The following CWC27 variants were observed in gnomAD, a reference collection of about 807,000 sequenced individuals.
CWC27 encodes spliceosome-associated protein CWC27 homolog.
A neutral mutation model predicts 63.6 loss-of-function variants in CWC27; 47 were observed. That is an observed-to-expected ratio of 0.74 (90% CI 0.58 to 0.94). The LOEUF (loss-of-function observed/expected upper bound fraction) is 0.94. CWC27 is among the 40% of genes least tolerant of loss of function. CWC27 has a pLI of 0.00. For missense variants in CWC27, 495 were observed against 554.3 expected, an observed-to-expected ratio of 0.89 and a Z score of 1.07; for synonymous variants, 175 against 179.8, an observed-to-expected ratio of 0.97 and a Z score of 0.22.
chr5:64,834,144 A>G (rs1745597868), intron 10 of CWC27, among the ~76,000 whole-genome samples: 1 of 143,860 alleles, frequency 7.0e-6, no homozygotes, highest in Non-Finnish European at 1.5e-5. Flanking sequence ...AATACATTCT[A>G]AAGAAAGTAA....
Position 64,971,934 on chromosome 5 carries a change from G to C in CWC27, c.1152+122G>C, listed in dbSNP as rs1749133894. 7.7e-6 allele frequency: 4 copies of C among 519,510 alleles called. No individual in the cohort carries two copies. In the South Asian group the frequency reaches 1.5e-4, roughly 20 times the overall value. 32.2% of individuals were successfully genotyped at this position (519,510 alleles called of 1,614,324 possible). A position where few individuals can be genotyped will look rare whatever the true frequency, so the allele number is the denominator to read the frequency against. On this transcript the variant is annotated intron_variant, in intron 12 of 13. Coordinates refer to ENST00000381070, the MANE Select transcript of CWC27 (RefSeq NM_005869.4). ...AGCACTACCTCTTAAAAATAAAAAA[G>C]AATATATTTATATAGGGTGGACATT...
At chr5:64,969,195 TA>T (rs1266500030) in intron 11 of CWC27, among the ~76,000 whole-genome samples, 1 of 152,252 alleles carries the variant, frequency 6.6e-6, no homozygotes, top group African/African-American at 2.4e-5. Flanking sequence ...TTAACTTACC[TA>T]TGACATGAGA....
intron 4 of CWC27, among the ~76,000 whole-genome samples, chr5:64,784,782 C>T (rs1743824443): frequency 6.6e-6 from 1 of 152,178 alleles, no homozygotes; most frequent in African/African-American, 2.4e-5. Flanking sequence ...TTGGTTAATA[C>T]TTATTAATAA....
chr5:64,803,898 A>G (rs1744568169), intron 9 of CWC27, among the ~76,000 whole-genome samples: 1 of 152,020 alleles, frequency 6.6e-6, no homozygotes, highest in South Asian at 2.1e-4. Context: ...CAAAAGCCAC[A>G]TTTCCCACTG....
intron 11 of CWC27, among the ~76,000 whole-genome samples, chr5:64,894,025 G>A (rs1194991743): frequency 6.6e-6 from 1 of 151,178 alleles, no homozygotes; most frequent in African/African-American, 2.4e-5. Context: ...CTCCTCCCAG[G>A]TTCAAACGAT....
intron 10 of CWC27, among the ~76,000 whole-genome samples, chr5:64,874,682 C>T (rs1746755526): frequency 6.6e-6 from 1 of 152,054 alleles, no homozygotes. Context: ...TCAGAGTGTT[C>T]AACTATCAGT....
intron 10 of CWC27, among the ~76,000 whole-genome samples, chr5:64,853,829 T>C (rs901573107): frequency 6.6e-6 from 1 of 152,070 alleles, no homozygotes; most frequent in Non-Finnish European, 1.5e-5. Flanking sequence ...AACATGAGAG[T>C]TGGAGGAGAC....
intron 11 of CWC27, among the ~76,000 whole-genome samples, chr5:64,939,577 G>A (rs958884499): frequency 6.6e-6 from 1 of 152,232 alleles, no homozygotes; most frequent in Admixed American, 6.5e-5. Context: ...GTGCCTTCAA[G>A]TCAGGAGGCA....
At position 64,897,918 on chromosome 5, in the gene CWC27, A is replaced by C. The variant is rs576538583; in HGVS notation, c.1042+12372A>C. 4.6e-5 allele frequency among the ~76,000 whole-genome samples: 7 copies of C among 151,764 alleles called. No individual in the cohort carries two copies. In the East Asian group the frequency reaches 7.8e-4, roughly 17 times the overall value. On this transcript the variant is annotated intron_variant, in intron 11 of 13. Transcript: ENST00000381070. ...ATGAAGCAAAAACTGATAGACCTAG[A>C]ATAAGTAAGCAATTCCATTATAGTG...
intron 11 of CWC27, among the ~76,000 whole-genome samples, chr5:64,888,921 GA>G (rs1270418767): frequency 2.0e-5 from 3 of 152,100 alleles, no homozygotes; most frequent in Non-Finnish European, 4.4e-5. Context: ...TTAACCAAGG[GA>G]TCGAGGTAAT....
chr5:64,824,406 TG>T (rs1337823495), intron 10 of CWC27, among the ~76,000 whole-genome samples: 1 of 152,206 alleles, frequency 6.6e-6, no homozygotes, highest in Admixed American at 6.5e-5. Flanking sequence ...TTTTTCTGTA[TG>T]TTATTCATTT....
intron 10 of CWC27, among the ~76,000 whole-genome samples, chr5:64,814,909 T>C (rs1267352823): frequency 6.6e-6 from 1 of 151,894 alleles, no homozygotes; most frequent in Non-Finnish European, 1.5e-5. Context: ...ATTTGAGAGA[T>C]ATTAAGGAGG....
At chr5:64,823,334 A>G (rs1336519941) in intron 10 of CWC27, among the ~76,000 whole-genome samples, 1 of 152,214 alleles carries the variant, frequency 6.6e-6, no homozygotes, top group African/African-American at 2.4e-5. Context: ...TCAAAGTAAA[A>G]TTAAAAATTA....
Position 64,769,021 on chromosome 5 carries a change from T to C in CWC27, c.-126T>C, listed in dbSNP as rs757849403. The C allele has an allele frequency of 1.5e-5, 12 of 780,210 alleles. No homozygotes were observed. Among genetic ancestry groups the C allele is most frequent in the South Asian group, 9.0e-5 (6 of 66,584 alleles). The allele number at this position is 780,210 out of a possible 1,614,324, so 48.3% of individuals were successfully genotyped here. On this transcript the variant is annotated 5_prime_UTR_variant, in exon 1 of 14. Coordinates refer to ENST00000381070, the MANE Select transcript of CWC27 (RefSeq NM_005869.4). Reference sequence around the variant, plus strand: ...TTTGGTGTCCCTGTCTTGCGTGATATTGACAAACTGAAGCTTTCCTGCACC... The same window carrying C: ...TTTGGTGTCCCTGTCTTGCGTGATACTGACAAACTGAAGCTTTCCTGCACC...
At chr5:64,885,995 T>G (rs1281990724) in intron 11 of CWC27, among the ~76,000 whole-genome samples, 2 of 152,162 alleles carry the variant, frequency 1.3e-5, no homozygotes, top group Admixed American at 6.6e-5. Context: ...GTTTGAGCCC[T>G]GTGGTTGGGA....
chr5:64,851,812 A>G (rs1746139890), intron 10 of CWC27, among the ~76,000 whole-genome samples: 1 of 152,192 alleles, frequency 6.6e-6, no homozygotes, highest in Admixed American at 6.5e-5. Context: ...GATGTATTGA[A>G]TACTTACTAA....
intron 13 of CWC27, among the ~76,000 whole-genome samples, chr5:64,977,981 C>T (rs1307506871): frequency 6.6e-6 from 1 of 152,174 alleles, no homozygotes; most frequent in Non-Finnish European, 1.5e-5. Context: ...ACCCCCTACA[C>T]ATGACTCACC....
chr5:64,875,881 A>G (rs1033586148), intron 10 of CWC27, among the ~76,000 whole-genome samples: 1 of 152,108 alleles, frequency 6.6e-6, no homozygotes, highest in South Asian at 2.1e-4. Context: ...TAAGAGAAGC[A>G]AATTTCTGTT....
chr5:64,863,747 C>T (rs565301607), intron 10 of CWC27, among the ~76,000 whole-genome samples: 1 of 152,246 alleles, frequency 6.6e-6, no homozygotes, highest in East Asian at 1.9e-4. Flanking sequence ...CTTTGGCCTC[C>T]AAGAGTGCTG....
Sources: gnomAD v4.1 joint callset for allele counts (sites outside exome capture counted in the v4.1 genomes callset) on GRCh38, gnomAD v4.1.1 for gene constraint, MANE v1.5 for transcripts, NCBI Gene and HGNC (gene_info 2026-07-23, HGNC 2026-07-21) for gene names.